The following PRDM5 variants were observed in gnomAD, a reference collection of about 807,000 sequenced individuals.
PRDM5 encodes PR/SET domain 5.
PRDM5 carries 56 observed loss-of-function variants against 81.2 expected under a neutral mutation model. The ratio of observed to expected loss-of-function variants is 0.69; its 90% CI spans 0.56 to 0.86. The LOEUF (loss-of-function observed/expected upper bound fraction) is 0.86, where lower values mean the gene tolerates loss of function less well. PRDM5 is among the 40% of genes least tolerant of loss of function. The pLI, the probability that PRDM5 is intolerant of heterozygous loss-of-function variation, is 0.00. For synonymous variants in PRDM5, 267 were observed against 256.4 expected (o/e 1.04, Z -0.39); for missense variants, 697 against 770.1 (o/e 0.91, Z 1.12).
intron 15 of PRDM5, among the ~76,000 whole-genome samples, chr4:120,707,904 T>C (rs1210630441): frequency 6.6e-6 from 1 of 152,032 alleles, no homozygotes; most frequent in African/African-American, 2.4e-5. Flanking sequence ...AGGAAGTATA[T>C]GGAAAGATGC....
intron 4 of PRDM5, among the ~76,000 whole-genome samples, chr4:120,818,757 T>C (rs887786628): frequency 1.4e-4 from 21 of 152,194 alleles, no homozygotes; most frequent in African/African-American, 4.1e-4. Context: ...ACCAAATTAA[T>C]ACAAAGTCAA....
At chr4:120,845,637 C>G (rs1161324647) in intron 3 of PRDM5, among the ~76,000 whole-genome samples, 1 of 152,142 alleles carries the variant, frequency 6.6e-6, no homozygotes, top group Non-Finnish European at 1.5e-5. Context: ...ATGGAGTGTT[C>G]AAGAAGATGA....
intron 11 of PRDM5, among the ~76,000 whole-genome samples, chr4:120,781,691 A>C (rs1299449683): frequency 6.6e-6 from 1 of 152,170 alleles, no homozygotes; most frequent in East Asian, 1.9e-4. Context: ...AGTTCCCTCA[A>C]ATCCCACCAC....
chr4:120,793,183 C>A (rs1750835317), intron 10 of PRDM5, among the ~76,000 whole-genome samples: 1 of 152,152 alleles, frequency 6.6e-6, no homozygotes, highest in South Asian at 2.1e-4. Flanking sequence ...GCCCCACCTC[C>A]TGTGAGATCA....
chr4:120,695,101 A>G lies in PRDM5; in HGVS notation c.*10T>C, dbSNP rs771322530. Reference sequence around the variant, plus strand: ...CCCTTCTGAATAGTTTAATTCCTTTACAGCCCCTATTAGCTGTCAGCTACA... The same window carrying G: ...CCCTTCTGAATAGTTTAATTCCTTTGCAGCCCCTATTAGCTGTCAGCTACA... On this transcript the variant is annotated 3_prime_UTR_variant, in exon 16 of 16. Coordinates refer to ENST00000264808, the MANE Select transcript of PRDM5 (RefSeq NM_018699.4). The G allele has an allele frequency of 1.2e-6, 2 of 1,610,338 alleles. No homozygotes were observed. Among genetic ancestry groups the G allele is most frequent in the East Asian group, 4.5e-5 (2 of 44,840 alleles).
chr4:120,914,874 C>T (rs879666142), intron 1 of PRDM5, among the ~76,000 whole-genome samples: 3 of 152,072 alleles, frequency 2.0e-5, no homozygotes, highest in Non-Finnish European at 2.9e-5. Flanking sequence ...TAGCTGGAGG[C>T]CATTATTCTA....
At chr4:120,885,134 CAAAAAAA>C (rs60623556) in intron 2 of PRDM5, among the ~76,000 whole-genome samples, 53 of 50,714 alleles carry the variant, frequency 1.0e-3, no homozygotes, top group Middle Eastern at 0.013. Context: ...GACTCCGTAT[CAAAAAAA>C]AAAAAAAAAA....
At chr4:120,842,484 C>T (rs1436240948) in intron 3 of PRDM5, among the ~76,000 whole-genome samples, 1 of 152,070 alleles carries the variant, frequency 6.6e-6, no homozygotes, top group Admixed American at 6.5e-5. Context: ...TACTGAGCCC[C>T]CACTAGACGA....
At chr4:120,885,883 T>C (rs895002778) in intron 2 of PRDM5, 3 of 152,136 alleles carry the variant, frequency 2.0e-5, no homozygotes, top group African/African-American at 4.8e-5. Flanking sequence ...ACAAAAGTTA[T>C]GTGTTTTTTT....
chr4:120,790,094 G>A (rs182519786), intron 10 of PRDM5, among the ~76,000 whole-genome samples: 3 of 152,264 alleles, frequency 2.0e-5, no homozygotes, highest in East Asian at 1.9e-4. Flanking sequence ...TCCACTCAAC[G>A]ACACTGGTAA....
At chr4:120,850,401 C>T (rs1378329374) in intron 3 of PRDM5, among the ~76,000 whole-genome samples, 3 of 152,062 alleles carry the variant, frequency 2.0e-5, no homozygotes, top group Non-Finnish European at 4.4e-5. Flanking sequence ...GCCACGTGAC[C>T]CAACTATTAT....
At chr4:120,873,843 G>A (rs772165089) in intron 2 of PRDM5, among the ~76,000 whole-genome samples, 35 of 152,080 alleles carry the variant, frequency 2.3e-4, no homozygotes, top group Non-Finnish European at 2.4e-4. Flanking sequence ...TATTTTTTCA[G>A]CACCCATGTA....
At position 120,847,470 on chromosome 4, in the gene PRDM5, A is replaced by T. The variant is rs552938784; in HGVS notation, c.300+5948T>A. Among the ~76,000 whole-genome samples the T allele has an allele frequency of 4.6e-5, 7 of 152,210 alleles. No individual in the cohort carries two copies. In the South Asian group the frequency reaches 1.5e-3, roughly 32 times the overall value. On this transcript the variant is annotated intron_variant, in intron 3 of 15. Transcript: ENST00000264808. The stretch of plus-strand genomic sequence containing the variant: ...TCCTGCCATGTGACAGACCTTGGAC[A>T]CAGAATCTCCAGCCTAATCAAGTCT...
At chr4:120,767,720 G>A (rs544738869) in intron 13 of PRDM5, among the ~76,000 whole-genome samples, 23 of 152,302 alleles carry the variant, frequency 1.5e-4, no homozygotes, top group African/African-American at 5.5e-4. Context: ...ACAAGTGAAT[G>A]TGTGATATGG....
Position 120,710,703 on chromosome 4 carries a change from G to A in PRDM5, c.1624-290C>T, listed in dbSNP as rs149370090. Among the ~76,000 whole-genome samples, 5 of 152,180 alleles carry A rather than the reference G, an allele frequency of 3.3e-5. No homozygotes were observed. In the East Asian group the frequency reaches 9.7e-4, roughly 29 times the overall value. On this transcript the variant is annotated intron_variant, in intron 14 of 15. Transcript: ENST00000264808. The stretch of plus-strand genomic sequence containing the variant: ...CTCACAAGATCTGATGGTTTTATAA[G>A]GGGCTTTTCCCACTTTGCTCCATGC...
chr4:120,788,199 C>G (rs921273293), intron 10 of PRDM5, among the ~76,000 whole-genome samples: 18 of 151,868 alleles, frequency 1.2e-4, no homozygotes, highest in Admixed American at 3.3e-4. Flanking sequence ...TCCTAAATGC[C>G]CATAAAAAGA....
intron 2 of PRDM5, among the ~76,000 whole-genome samples, chr4:120,888,756 A>G (rs1763737766): frequency 6.6e-6 from 1 of 152,224 alleles, no homozygotes; most frequent in Non-Finnish European, 1.5e-5. Flanking sequence ...GTTTGCAAAC[A>G]TTTGACATTG....
Position 120,885,158 on chromosome 4 carries a change from T to TAAAAAAGAAAAA in PRDM5, c.177+22315_177+22316insTTTTTCTTTTTT, listed in dbSNP as rs60992648. On this transcript the variant is annotated intron_variant, in intron 2 of 15. Coordinates refer to ENST00000264808, the MANE Select transcript of PRDM5 (RefSeq NM_018699.4). ...TCAAAAAAAAAAAAAAAAAAAAAAG[T>TAAAAAAGAAAAA]AAAAAAGAAAAGAAAAGACATACGA... Among the ~76,000 whole-genome samples the TAAAAAAGAAAAA allele has an allele frequency of 6.5e-3, 756 of 117,014 alleles. 4 individuals carry two copies. Among genetic ancestry groups the TAAAAAAGAAAAA allele is most frequent in the African/African-American group, 0.024 (729 of 30,138 alleles). The allele number at this position is 117,014 out of a possible 152,430, so 76.8% of individuals were successfully genotyped here.
chr4:120,766,631 G>A (rs1418072420), intron 13 of PRDM5, among the ~76,000 whole-genome samples: 5 of 152,114 alleles, frequency 3.3e-5, no homozygotes, highest in Non-Finnish European at 5.9e-5. Context: ...GGGTCAGGGG[G>A]TATGTCAAAG....
Sources: allele counts gnomAD v4.1 joint callset (sites outside exome capture counted in the v4.1 genomes callset), GRCh38; gene constraint gnomAD v4.1.1; transcripts MANE v1.5; gene names NCBI Gene and HGNC (gene_info 2026-07-23, HGNC 2026-07-21).